Variants in SORCS1 observed in about 807,000 individuals in gnomAD.
SORCS1 encodes sortilin related VPS10 domain containing receptor 1.
In SORCS1, 60 loss-of-function variants were observed where a neutral mutation model predicts 146.1. That is an observed-to-expected ratio of 0.41 (90% CI 0.33 to 0.51). SORCS1 has a LOEUF of 0.51. Among genes scored for constraint, SORCS1 ranks in the 20% least tolerant of loss-of-function variants. The pLI is 0.21. For missense variants in SORCS1, 1,352 were observed against 1,487.6 expected (o/e 0.91, Z 1.50); for synonymous variants, 637 against 584.0 (o/e 1.09, Z -1.31).
At chr10:106,693,658 T>C (rs1294276278) in intron 9 of SORCS1, among the ~76,000 whole-genome samples, 2 of 152,182 alleles carry the variant, frequency 1.3e-5, no homozygotes, top group African/African-American at 4.8e-5. Flanking sequence ...GAATTCCTAT[T>C]TCTTTGGTGA....
At chr10:106,800,685 C>G (rs11595573) in intron 3 of SORCS1, among the ~76,000 whole-genome samples, 14,353 of 151,916 alleles carry the variant, frequency 0.094, 835 homozygotes, top group East Asian at 0.19. Flanking sequence ...CCACACCCAG[C>G]TAATTTTTTT....
chr10:106,956,607 T>C (rs771945176), intron 1 of SORCS1, 27 bp from the exon 2 acceptor site: 2 of 1,604,092 alleles, frequency 1.2e-6, no homozygotes, highest in Non-Finnish European at 1.7e-6. Flanking sequence ...AAATCATGGT[T>C]AGTCTCAAAC....
intron 1 of SORCS1, among the ~76,000 whole-genome samples, chr10:106,967,402 A>G (rs1955547735): frequency 6.6e-6 from 1 of 152,142 alleles, no homozygotes; most frequent in South Asian, 2.1e-4. Context: ...TATTTTTTCT[A>G]GAAAAAAACC....
chr10:106,926,972 A>T (rs1006027788), intron 2 of SORCS1, among the ~76,000 whole-genome samples: 1 of 152,188 alleles, frequency 6.6e-6, no homozygotes, highest in African/African-American at 2.4e-5. Context: ...AAATAGAAAG[A>T]AAAACAATAT....
At chr10:106,951,204 T>C (rs1281696514) in intron 2 of SORCS1, among the ~76,000 whole-genome samples, 1 of 152,238 alleles carries the variant, frequency 6.6e-6, no homozygotes, top group South Asian at 2.1e-4. Context: ...CCACAGATCT[T>C]TGTCCCCCTC....
At chr10:107,131,761 C>T (rs997685768) in intron 1 of SORCS1, among the ~76,000 whole-genome samples, 1 of 152,158 alleles carries the variant, frequency 6.6e-6, no homozygotes, top group African/African-American at 2.4e-5. Context: ...TAATGCTAGG[C>T]AGAGTCTGCT....
At chr10:106,801,089 A>G (rs995993380) in intron 3 of SORCS1, among the ~76,000 whole-genome samples, 1 of 152,222 alleles carries the variant, frequency 6.6e-6, no homozygotes, top group East Asian at 1.9e-4. Flanking sequence ...GTTGTTAATC[A>G]ATGTCTGATG....
chr10:107,102,616 T>C (rs1424857042), intron 1 of SORCS1, among the ~76,000 whole-genome samples: 2 of 152,104 alleles, frequency 1.3e-5, no homozygotes, highest in Middle Eastern at 3.2e-3. Flanking sequence ...ACCTAAGCAC[T>C]ATAAAGAAGA....
At chr10:107,134,139 T>C (rs1197913898) in intron 1 of SORCS1, among the ~76,000 whole-genome samples, 1 of 152,144 alleles carries the variant, frequency 6.6e-6, no homozygotes, top group East Asian at 1.9e-4. Flanking sequence ...ACTGGCATAC[T>C]TTCACTCTAA....
At chr10:106,691,057 C>G (rs980683701) in intron 9 of SORCS1, among the ~76,000 whole-genome samples, 2 of 152,172 alleles carry the variant, frequency 1.3e-5, no homozygotes, top group African/African-American at 4.8e-5. Flanking sequence ...GTGTACCTGT[C>G]TATGCATGTA....
chr10:106,673,579 T>A (rs1277274500), intron 14 of SORCS1, among the ~76,000 whole-genome samples: 1 of 152,194 alleles, frequency 6.6e-6, no homozygotes, highest in Admixed American at 6.5e-5. Flanking sequence ...GTACATATTG[T>A]GCCACAGGAT....
At chr10:106,966,202 A>G (rs1253271382) in intron 1 of SORCS1, among the ~76,000 whole-genome samples, 4 of 152,222 alleles carry the variant, frequency 2.6e-5, no homozygotes, top group African/African-American at 9.6e-5. Context: ...AAAGAAATCA[A>G]TAATGGCTAA....
chr10:106,605,861 C>G (rs1403634511), intron 23 of SORCS1, among the ~76,000 whole-genome samples: 1 of 151,906 alleles, frequency 6.6e-6, no homozygotes, highest in Non-Finnish European at 1.5e-5. Context: ...AAGGTGTGTG[C>G]TAGGAGGTGG....
intron 18 of SORCS1, among the ~76,000 whole-genome samples, chr10:106,630,650 A>G (rs1360978244): frequency 6.6e-6 from 1 of 152,228 alleles, no homozygotes; most frequent in East Asian, 1.9e-4. Context: ...TGTCTTAAAG[A>G]GTTGTAAAAA....
intron 20 of SORCS1, 25 bp downstream of exon 20, chr10:106,620,403 G>T: frequency 2.5e-6 from 4 of 1,603,384 alleles, no homozygotes; most frequent in Non-Finnish European, 3.4e-6. Context: ...TCTGTCCCTA[G>T]ATCGCATGTG....
At chr10:106,717,124 C>A (rs977732611) in intron 6 of SORCS1, among the ~76,000 whole-genome samples, 9 of 152,188 alleles carry the variant, frequency 5.9e-5, no homozygotes, top group African/African-American at 1.9e-4. Context: ...CTCACCTATT[C>A]CTCATTGTTT....
At chr10:106,720,637 C>A (rs371238566) in intron 6 of SORCS1, among the ~76,000 whole-genome samples, 24 of 151,286 alleles carry the variant, frequency 1.6e-4, no homozygotes, top group African/African-American at 5.6e-4. Context: ...TGGGGATTAC[C>A]ACACCTGCAT....
intron 1 of SORCS1, among the ~76,000 whole-genome samples, chr10:107,006,461 A>G (rs1290957559): frequency 6.6e-6 from 1 of 152,242 alleles, no homozygotes; most frequent in Admixed American, 6.5e-5. Flanking sequence ...ATAAGTAGTA[A>G]GTCAGAACTG....
chr10:106,880,410 G>C (rs1170768660), intron 2 of SORCS1, among the ~76,000 whole-genome samples: 1 of 152,132 alleles, frequency 6.6e-6, no homozygotes, highest in Non-Finnish European at 1.5e-5. Context: ...CAGTTGAAGA[G>C]TTCCTAAATA....
Sources: allele counts gnomAD v4.1 joint callset (sites outside exome capture counted in the v4.1 genomes callset), GRCh38; gene constraint gnomAD v4.1.1; transcripts MANE v1.5; gene names NCBI Gene and HGNC (gene_info 2026-07-23, HGNC 2026-07-21).